The following EFCAB6 variants were observed in gnomAD, a reference collection of about 807,000 sequenced individuals.
EFCAB6 encodes the protein EF-hand calcium binding domain 6.
A neutral mutation model predicts 169.8 loss-of-function variants in EFCAB6; 156 were observed. The observed-to-expected ratio is 0.92, with a 90% CI of 0.81 to 1.05. The LOEUF (loss-of-function observed/expected upper bound fraction) is 1.05. Among genes scored for constraint, EFCAB6 ranks in the 50% least tolerant of loss-of-function variants. EFCAB6 has a pLI of 0.00. For missense variants in EFCAB6, 1,800 were observed against 1,829.1 expected (o/e 0.98, Z 0.29); for synonymous variants, 698 against 676.4 (o/e 1.03, Z -0.50).
intron 6 of EFCAB6, among the ~76,000 whole-genome samples, chr22:43,745,890 T>A (rs2060544455): frequency 1.3e-5 from 2 of 152,324 alleles, no homozygotes; most frequent in South Asian, 4.1e-4. Context: ...CTAAATGAAC[T>A]GGAACGAAAT....
At chr22:43,807,721 G>A (rs2062970161) in intron 2 of EFCAB6, among the ~76,000 whole-genome samples, 1 of 152,178 alleles carries the variant, frequency 6.6e-6, no homozygotes, top group African/African-American at 2.4e-5. Flanking sequence ...GGAAAAAATT[G>A]TAAGCAACAC....
At chr22:43,691,497 A>G (rs1317632731) in intron 10 of EFCAB6, among the ~76,000 whole-genome samples, 1 of 152,106 alleles carries the variant, frequency 6.6e-6, no homozygotes, top group Non-Finnish European at 1.5e-5. Context: ...GACTACAAAA[A>G]AAGTAGAAAA....
At chr22:43,708,763 G>C (rs1042767959) in intron 10 of EFCAB6, among the ~76,000 whole-genome samples, 13 of 150,600 alleles carry the variant, frequency 8.6e-5, no homozygotes, top group African/African-American at 3.1e-4. Flanking sequence ...AATAGTAAAG[G>C]GAACAGCTGA....
Position 43,607,539 on chromosome 22 carries a change from G to A in EFCAB6, c.2681+943C>T, listed in dbSNP as rs148356726. Among the ~76,000 whole-genome samples the A allele has an allele frequency of 6.3e-3, 960 of 152,334 alleles. 5 individuals carry two copies. The highest frequency in any genetic ancestry group is 9.9e-3 in the Non-Finnish European group (674 of 68,030). On this transcript the variant is annotated intron_variant, in intron 22 of 31. Coordinates refer to ENST00000262726, the MANE Select transcript of EFCAB6 (RefSeq NM_022785.4). The stretch of plus-strand genomic sequence containing the variant: ...GTGTAAGCTACTCAAACAGAAATGG[G>A]CAGGGAGTCTAACTGGACCCTGTGT...
rs892908063 is a variant in EFCAB6 at position 43,812,259 on chromosome 22, G to C, written c.-236C>G. On this transcript the variant is annotated 5_prime_UTR_variant, in exon 1 of 32. Coordinates refer to ENST00000262726, the MANE Select transcript of EFCAB6 (RefSeq NM_022785.4). ...GGGTCTCAGAGGGGCTGCCCATTCG[G>C]CGTCTCTAGGACGCTGTTGCCCGAG... is the stretch of plus-strand genomic sequence containing the variant. 1.3e-5 allele frequency: 2 copies of C among 152,308 alleles called. No individual in the cohort carries two copies. Among genetic ancestry groups the C allele is most frequent in the African/African-American group, 4.8e-5 (2 of 41,486 alleles). 9.4% of individuals were successfully genotyped at this position (152,308 alleles called of 1,614,324 possible).
intron 11 of EFCAB6, 26 bp downstream of exon 11, chr22:43,687,445 T>G (rs2058241150): frequency 4.1e-6 from 5 of 1,214,554 alleles, no homozygotes; most frequent in African/African-American, 2.1e-5. Context: ...TAACTAAAAT[T>G]TGTTTTTTTT....
At chr22:43,707,624 A>G (rs923262995) in intron 10 of EFCAB6, among the ~76,000 whole-genome samples, 1 of 152,224 alleles carries the variant, frequency 6.6e-6, no homozygotes, top group Non-Finnish European at 1.5e-5. Context: ...AAAAGGAGAT[A>G]ATTCTCAGAC....
At chr22:43,757,955 T>C (rs936783772) in intron 5 of EFCAB6, among the ~76,000 whole-genome samples, 2 of 152,248 alleles carry the variant, frequency 1.3e-5, no homozygotes, top group Admixed American at 6.5e-5. Flanking sequence ...TCTTTATGTT[T>C]GAGTTTAGGT....
At chr22:43,673,966 CAAAAA>C (rs35790164) in intron 13 of EFCAB6, among the ~76,000 whole-genome samples, 1 of 69,456 alleles carries the variant, frequency 1.4e-5, no homozygotes. Flanking sequence ...GACTCCGTCT[CAAAAA>C]AAAAAAAAAA....
At position 43,772,919 on chromosome 22, in the gene EFCAB6, T is replaced by C; in HGVS notation, c.324A>G (p.Arg108=). The C allele has an allele frequency of 6.2e-7, 1 of 1,614,254 alleles. No individual in the cohort carries two copies. The highest frequency in any genetic ancestry group is 2.2e-5 in the East Asian group (1 of 44,886). Residue 108 remains arginine, a synonymous_variant, in exon 4 of 32, where the codon CGA becomes CGG. Transcript: ENST00000262726. ...IITDFLMPLT[R]EQFQDVLAQI... is the part of the protein sequence containing the mutation. ...GAGCCAACACGTCCTGAAACTGTTCTCGTGTGAGCGGCATCAGGAAGTCTG... is the reference window on the plus strand; with the variant it reads ...GAGCCAACACGTCCTGAAACTGTTCCCGTGTGAGCGGCATCAGGAAGTCTG...
chr22:43,617,274 G>T (rs576344269), intron 20 of EFCAB6, among the ~76,000 whole-genome samples: 3 of 152,236 alleles, frequency 2.0e-5, no homozygotes, highest in South Asian at 4.1e-4. Flanking sequence ...TTCACTTTTA[G>T]ACTCCTCCTA....
chr22:43,653,737 G>C (rs911084709), intron 17 of EFCAB6, among the ~76,000 whole-genome samples: 1 of 152,116 alleles, frequency 6.6e-6, no homozygotes, highest in Non-Finnish European at 1.5e-5. Flanking sequence ...GGCTGAGTGT[G>C]AATTAGCTTG....
At chr22:43,664,039 C>A (rs112758304) in intron 17 of EFCAB6, among the ~76,000 whole-genome samples, 4 of 152,194 alleles carry the variant, frequency 2.6e-5, no homozygotes, top group Non-Finnish European at 5.9e-5. Flanking sequence ...GGGAGGTCTC[C>A]AAGAAGCCCG....
intron 6 of EFCAB6, among the ~76,000 whole-genome samples, chr22:43,753,037 C>G (rs562948072): frequency 3.2e-4 from 49 of 152,184 alleles, no homozygotes; most frequent in Non-Finnish European, 6.2e-4. Context: ...CTTGTCAGTA[C>G]CCTGAAAGGT....
intron 4 of EFCAB6, among the ~76,000 whole-genome samples, chr22:43,770,181 C>T (rs1283606357): frequency 6.6e-6 from 1 of 151,928 alleles, no homozygotes; most frequent in Non-Finnish European, 1.5e-5. Context: ...CTTAAATTTT[C>T]TGTAGAGATG....
chr22:43,699,809 A>C (rs1187510398), intron 10 of EFCAB6, among the ~76,000 whole-genome samples: 1 of 152,236 alleles, frequency 6.6e-6, no homozygotes, highest in Non-Finnish European at 1.5e-5. Flanking sequence ...TACACTTCAT[A>C]TAATTTAGAC....
chr22:43,685,210 A>G (rs1162708745), intron 11 of EFCAB6, among the ~76,000 whole-genome samples: 1 of 152,162 alleles, frequency 6.6e-6, no homozygotes, highest in African/African-American at 2.4e-5. Flanking sequence ...CCGAGAGCAG[A>G]TTTGTGGACT....
intron 24 of EFCAB6, among the ~76,000 whole-genome samples, chr22:43,586,534 A>G (rs958406987): frequency 1.3e-5 from 2 of 151,826 alleles, no homozygotes; most frequent in Non-Finnish European, 2.9e-5. Flanking sequence ...GCATTCTGTC[A>G]GCATGGCTCA....
intron 17 of EFCAB6, among the ~76,000 whole-genome samples, chr22:43,653,703 T>A (rs1412319653): frequency 3.3e-5 from 5 of 152,078 alleles, no homozygotes; most frequent in Admixed American, 3.3e-4. Flanking sequence ...GATACCTAAG[T>A]GGTAATTTTG....
Sources: allele counts gnomAD v4.1 joint callset (sites outside exome capture counted in the v4.1 genomes callset), GRCh38; gene constraint gnomAD v4.1.1; transcripts MANE v1.5; gene names NCBI Gene and HGNC (gene_info 2026-07-23, HGNC 2026-07-21).